CRYBG1: variants seen among roughly 807,000 people sequenced by gnomAD.
CRYBG1 encodes the protein beta/gamma crystallin domain-containing protein 1.
In CRYBG1, 139 loss-of-function variants were observed where a neutral mutation model predicts 189.2. The observed-to-expected ratio is 0.73, with a 90% CI of 0.64 to 0.85. The LOEUF (loss-of-function observed/expected upper bound fraction) is 0.85, where lower values mean the gene tolerates loss of function less well. CRYBG1 is among the 40% of genes least tolerant of loss of function. The pLI is 0.00. For synonymous variants in CRYBG1, 1,023 were observed against 1,017.1 expected, an observed-to-expected ratio of 1.01 and a Z score of -0.11; for missense variants, 2,611 against 2,675.8, an observed-to-expected ratio of 0.98 and a Z score of 0.53.
At chr6:106,445,683 G>T (rs1771651236) in intron 1 of CRYBG1, among the ~76,000 whole-genome samples, 1 of 152,192 alleles carries the variant, frequency 6.6e-6, no homozygotes, top group Admixed American at 6.5e-5. Flanking sequence ...CCATTTTGCA[G>T]ATGAAGAAAC....
intron 14 of CRYBG1, 56 bp downstream of exon 14, chr6:106,552,034 T>G: frequency 6.6e-7 from 1 of 1,506,202 alleles, no homozygotes. Flanking sequence ...ATTTCCTTAA[T>G]GTGTGTTCCT....
intron 1 of CRYBG1, among the ~76,000 whole-genome samples, chr6:106,364,194 G>A (rs1163095470): frequency 1.3e-5 from 2 of 152,076 alleles, no homozygotes; most frequent in East Asian, 1.9e-4. Flanking sequence ...GGGCATGGTG[G>A]CTCACACCTG....
intron 2 of CRYBG1, among the ~76,000 whole-genome samples, chr6:106,481,497 C>T (rs1772456107): frequency 2.0e-5 from 3 of 152,286 alleles, no homozygotes; most frequent in Non-Finnish European, 2.9e-5. Context: ...ATCTGCATCT[C>T]CTCTCTCTGA....
At chr6:106,395,750 A>T (rs556652859) in intron 1 of CRYBG1, among the ~76,000 whole-genome samples, 1 of 152,198 alleles carries the variant, frequency 6.6e-6, no homozygotes, top group Non-Finnish European at 1.5e-5. Flanking sequence ...ATTAATCCTC[A>T]GTTTGTGATT....
rs768183698 is a variant in CRYBG1, at chr6:106,520,461, G to T, written c.3253G>T (p.Ala1085Ser). Residue 1085 changes from alanine to serine, a missense_variant, in exon 4 of 22, where the codon GCC (alanine) becomes TCC (serine). By Grantham distance (99) the Ala-to-Ser change is moderately conservative (BLOSUM62 1). Coordinates refer to ENST00000633556, the MANE Select transcript of CRYBG1 (RefSeq NM_001371242.2). ...TGTTACAAATGGCCAGGATAGCCCT[G>T]CCAGCCTTTTGAACATTTCTGCTGG... ...QTVTNGQDSPASLLNISAGSD... is the reference protein window; with the variant it reads ...QTVTNGQDSPSSLLNISAGSD... 5.0e-6 allele frequency: 8 copies of T among 1,614,128 alleles called. No individual in the cohort carries two copies. The highest frequency in any genetic ancestry group is 5.9e-6 in the Non-Finnish European group (7 of 1,180,016).
intron 1 of CRYBG1, among the ~76,000 whole-genome samples, chr6:106,378,964 C>T (rs758359785): frequency 1.3e-5 from 2 of 151,934 alleles, no homozygotes; most frequent in South Asian, 2.1e-4. Context: ...GGCCAAAAAA[C>T]GGTGAAACCC....
chr6:106,416,016 G>C (rs1399364449), intron 1 of CRYBG1, among the ~76,000 whole-genome samples: 1 of 152,116 alleles, frequency 6.6e-6, no homozygotes, highest in Non-Finnish European at 1.5e-5. Flanking sequence ...AAGCCTGCCA[G>C]CTTTGCGGTG....
At chr6:106,402,181 A>G (rs1770732905) in intron 1 of CRYBG1, among the ~76,000 whole-genome samples, 2 of 120,732 alleles carry the variant, frequency 1.7e-5, no homozygotes, top group African/African-American at 6.6e-5. Context: ...TTCCATGCTC[A>G]TGGGTAGGAA....
At chr6:106,445,803 G>GA (rs141235230) in intron 1 of CRYBG1, among the ~76,000 whole-genome samples, 453 of 152,266 alleles carry the variant, frequency 3.0e-3, no homozygotes, top group Admixed American at 4.9e-3. Flanking sequence ...ATTCAGCTGA[G>GA]AAAAAATACA....
At chr6:106,504,610 T>C (rs1476517239) in intron 2 of CRYBG1, among the ~76,000 whole-genome samples, 2 of 152,222 alleles carry the variant, frequency 1.3e-5, no homozygotes, top group Non-Finnish European at 2.9e-5. Flanking sequence ...AGTTCATTTA[T>C]GTGAACATTT....
Position 106,437,397 on chromosome 6 carries a change from T to G in CRYBG1, c.174-14297T>G, listed in dbSNP as rs115930282. The stretch of plus-strand genomic sequence containing the variant: ...ATGTATGGAAATTTTTATTTTTGCA[T>G]AGTAAAACTACCAATATTTTTCTTC... On this transcript the variant is annotated intron_variant, in intron 1 of 21. Coordinates refer to ENST00000633556, the MANE Select transcript of CRYBG1 (RefSeq NM_001371242.2). Among the ~76,000 whole-genome samples, 681 of 151,956 alleles carry G rather than the reference T, an allele frequency of 4.5e-3. 4 individuals are homozygous for G. Among genetic ancestry groups the G allele is most frequent in the African/African-American group, 0.015 (638 of 41,534 alleles).
At chr6:106,406,387 C>T (rs112786540) in intron 1 of CRYBG1, among the ~76,000 whole-genome samples, 3 of 152,054 alleles carry the variant, frequency 2.0e-5, no homozygotes, top group African/African-American at 7.2e-5. Flanking sequence ...TGTGAAAAGA[C>T]CATACGTACA....
chr6:106,481,788 G>T (rs1772466692), intron 2 of CRYBG1, among the ~76,000 whole-genome samples: 1 of 152,016 alleles, frequency 6.6e-6, no homozygotes, highest in Admixed American at 6.6e-5. Flanking sequence ...GGCCCATCAG[G>T]GTCCTTGCAG....
Position 106,544,645 on chromosome 6 carries a change from A to G in CRYBG1, c.5114A>G (p.Lys1705Arg). Reference protein sequence around the residue: ...LLEEGEYRDWKAWGGYNGELQ... With the variant: ...LLEEGEYRDWRAWGGYNGELQ... ...GAAGAAGGAGAATACAGGGACTGGA[A>G]AGCCTGGGGAGGTTACAATGGAGAG... The change falls in exon 12 of 22, where the codon AAA (lysine) becomes AGA (arginine). Residue 1705 changes from lysine (K) to arginine (R), a missense_variant. Lys to Arg is a conservative substitution (Grantham distance 26). Coordinates refer to ENST00000633556, the MANE Select transcript of CRYBG1 (RefSeq NM_001371242.2). The G allele has an allele frequency of 6.2e-7, 1 of 1,614,128 alleles. No individual in the cohort carries two copies. Among genetic ancestry groups the G allele is most frequent in the Non-Finnish European group, 8.5e-7 (1 of 1,179,986 alleles).
At chr6:106,370,041 T>TAGATCTC (rs1769986223) in intron 1 of CRYBG1, among the ~76,000 whole-genome samples, 2 of 152,244 alleles carry the variant, frequency 1.3e-5, no homozygotes, top group African/African-American at 4.8e-5. Flanking sequence ...ATTTAGCCTC[T>TAGATCTC]AGATCTCACA....
chr6:106,561,250 A>C, intron 19 of CRYBG1, 92 bp from the exon 20 acceptor site: 4 of 1,359,092 alleles, frequency 2.9e-6, no homozygotes, highest in Non-Finnish European at 4.1e-6. Context: ...CTTAATCCAT[A>C]TCTCACTTTG....
chr6:106,388,857 G>T (rs1057490945), intron 1 of CRYBG1, among the ~76,000 whole-genome samples: 2 of 152,166 alleles, frequency 1.3e-5, no homozygotes, highest in Non-Finnish European at 2.9e-5. Flanking sequence ...CTGAGAGAAA[G>T]ATCAGTGCTT....
At chr6:106,478,353 G>T (rs1181554) in intron 2 of CRYBG1, among the ~76,000 whole-genome samples, 52,260 of 152,040 alleles carry the variant, frequency 0.34, 9,466 homozygotes, top group Middle Eastern at 0.49. Flanking sequence ...TCTGGTTTGG[G>T]CTCAGACTGA....
chr6:106,530,458 G>A (rs754225786), intron 8 of CRYBG1, 143 bp downstream of exon 8: 23 of 729,072 alleles, frequency 3.2e-5, no homozygotes, highest in East Asian at 5.9e-5. Context: ...TATAAGGCAC[G>A]TAAAATTCTG....
Sources: gnomAD v4.1 joint callset for allele counts (sites outside exome capture counted in the v4.1 genomes callset) on GRCh38, gnomAD v4.1.1 for gene constraint, MANE v1.5 for transcripts, NCBI Gene and HGNC (gene_info 2026-07-23, HGNC 2026-07-21) for gene names.